Variants in CACNA1D observed in about 807,000 individuals in gnomAD.
CACNA1D encodes voltage-dependent L-type calcium channel subunit alpha-1D.
Under a neutral mutation model 257.1 loss-of-function variants are expected in CACNA1D, and 55 were observed. The observed-to-expected ratio is 0.21, with a 90% CI of 0.17 to 0.27. CACNA1D has a LOEUF of 0.27. Among genes scored for constraint, CACNA1D ranks in the 10% least tolerant of loss-of-function variants. The pLI is 1.00. For synonymous variants in CACNA1D, 980 were observed against 1,014.9 expected (o/e 0.97, Z 0.65); for missense variants, 1,876 against 2,784.0 (o/e 0.67, Z 7.34).
chr3:53,551,058 A>G (rs1034737818), intron 3 of CACNA1D, among the ~76,000 whole-genome samples: 5 of 152,256 alleles, frequency 3.3e-5, no homozygotes, highest in African/African-American at 4.8e-5. Flanking sequence ...GCCAAAAAAC[A>G]TCTTAAACTG....
chr3:53,767,565 CAAAA>C (rs397792487), intron 30 of CACNA1D, among the ~76,000 whole-genome samples: 1 of 130,452 alleles, frequency 7.7e-6, no homozygotes, highest in Admixed American at 7.6e-5. Flanking sequence ...GACTCTATCT[CAAAA>C]AAAAAAAAAA....
chr3:53,560,454 A>G (rs1414435875), intron 3 of CACNA1D, among the ~76,000 whole-genome samples: 1 of 152,166 alleles, frequency 6.6e-6, no homozygotes, highest in Non-Finnish European at 1.5e-5. Context: ...GTTTCTTGAG[A>G]TCCTAGGATG....
At chr3:53,753,083 A>C (rs1319676102) in intron 28 of CACNA1D, among the ~76,000 whole-genome samples, 1 of 152,210 alleles carries the variant, frequency 6.6e-6, no homozygotes, top group Non-Finnish European at 1.5e-5. Flanking sequence ...GATAGGGATA[A>C]ATTTTCTGGC....
At chr3:53,782,670 TG>T (rs2095432608) in intron 39 of CACNA1D, 1 of 152,142 alleles carries the variant, frequency 6.6e-6, no homozygotes, top group Admixed American at 6.5e-5. Context: ...AGAAGCAACG[TG>T]AGCTTTTGTT....
rs575522147 is a variant in CACNA1D at position 53,774,447 on chromosome 3, T to C, written c.4111-140T>C. On this transcript the variant is annotated intron_variant, in intron 33 of 47. Transcript: ENST00000350061. This position sits in a 1 kb window ranked among gnomAD's most constrained non-coding sequence, Gnocchi z 4.3. The stretch of plus-strand genomic sequence containing the variant: ...CACATGGTTGTGCCTGGCAGATCTT[T>C]TTTGAATGAGTGAAGTGCCAGGTAC... The C allele has an allele frequency of 3.6e-4, 246 of 677,114 alleles. 2 individuals carry two copies. The South Asian group carries it at 3.9e-3, about 11-fold the overall frequency. The allele number at this position is 677,114 out of a possible 1,614,324, so 41.9% of individuals were successfully genotyped here.
Position 53,803,439 on chromosome 3 carries a change from G to A in CACNA1D, c.5452G>A (p.Glu1818Lys). The stretch of plus-strand genomic sequence containing the variant: ...CAACTGCAGGTCCGACTCAGGAGAT[G>A]AACAGCTCCCAACTATTTGCCGGGA... Reference protein sequence around the residue: ...ETYIRSDSGDEQLPTICREDP... With the variant: ...ETYIRSDSGDKQLPTICREDP... The change falls in exon 44 of 48, where the codon GAA (glutamate) becomes AAA (lysine). Residue 1818 changes from glutamate (E) to lysine (K), a missense_variant. This residue lies in a region of CACNA1D where 491 missense variants were observed against 554.3 expected (regional missense o/e 0.89). Transcript: ENST00000350061. The A allele has an allele frequency of 1.2e-6, 2 of 1,614,246 alleles. No homozygotes were observed. The highest frequency in any genetic ancestry group is 1.7e-6 in the Non-Finnish European group (2 of 1,180,044).
At chr3:53,749,155 C>T (rs766453042) in intron 26 of CACNA1D, 113 bp from the exon 27 acceptor site, 5 of 769,880 alleles carry the variant, frequency 6.5e-6, no homozygotes, top group Non-Finnish European at 1.1e-5. Context: ...GGGTGGGTTC[C>T]CAGCGAGTGC....
intron 3 of CACNA1D, among the ~76,000 whole-genome samples, chr3:53,544,210 C>T (rs1320674906): frequency 6.6e-6 from 1 of 151,994 alleles, no homozygotes; most frequent in African/African-American, 2.4e-5. Flanking sequence ...CCAAAGTGTC[C>T]CCTCAGTCTT....
At chr3:53,567,708 A>T in intron 3 of CACNA1D, among the ~76,000 whole-genome samples, 1 of 152,238 alleles carries the variant, frequency 6.6e-6, no homozygotes, top group Non-Finnish European at 1.5e-5. Flanking sequence ...GGATTTCAGA[A>T]TATTTTCATT....
intron 39 of CACNA1D, chr3:53,782,417 G>A (rs1341075911): frequency 6.6e-6 from 1 of 151,918 alleles, no homozygotes; most frequent in Admixed American, 6.6e-5. Context: ...CACCACACCA[G>A]CATTCTAGCA....
chr3:53,801,509 C>T, intron 42 of CACNA1D, 84 bp downstream of exon 42: 1 of 1,557,882 alleles, frequency 6.4e-7, no homozygotes, highest in Non-Finnish European at 8.8e-7. Flanking sequence ...CGGGTCTGTG[C>T]TCTGTGCTCT....
At chr3:53,636,669 T>A (rs2093888057) in intron 3 of CACNA1D, among the ~76,000 whole-genome samples, 2 of 152,248 alleles carry the variant, frequency 1.3e-5, no homozygotes. Context: ...CCATACAATT[T>A]TATTTCATTT....
chr3:53,732,347 C>T (rs1183242875), intron 18 of CACNA1D, among the ~76,000 whole-genome samples: 3 of 152,194 alleles, frequency 2.0e-5, no homozygotes, highest in African/African-American at 4.8e-5. Context: ...GGAGGCCCCC[C>T]GGTGTTAGCG....
intron 40 of CACNA1D, among the ~76,000 whole-genome samples, chr3:53,788,234 C>A (rs2109121482): frequency 6.6e-6 from 1 of 152,268 alleles, no homozygotes; most frequent in Middle Eastern, 3.4e-3. Context: ...CATGGTGCAA[C>A]CTCTGCTCTA....
intron 9 of CACNA1D, among the ~76,000 whole-genome samples, chr3:53,712,770 C>A (rs1350864732): frequency 2.0e-5 from 3 of 152,100 alleles, no homozygotes; most frequent in African/African-American, 7.2e-5. Flanking sequence ...GAAGGAAATG[C>A]TAAAATAAAT....
chr3:53,641,777 G>A (rs1183983259), intron 3 of CACNA1D, among the ~76,000 whole-genome samples: 1 of 152,168 alleles, frequency 6.6e-6, no homozygotes, highest in Non-Finnish European at 1.5e-5. Flanking sequence ...GAGGGAATTT[G>A]GAAAGCTGAG....
chr3:53,509,279 C>CTGTG (rs57524253), intron 3 of CACNA1D, among the ~76,000 whole-genome samples: 22 of 149,954 alleles, frequency 1.5e-4, no homozygotes, highest in East Asian at 7.9e-4. Context: ...ACAGCCCCCT[C>CTGTG]TGTGTGTGTG....
At chr3:53,799,826 T>G in intron 40 of CACNA1D, 1 of 265,740 alleles carries the variant, frequency 3.8e-6, no homozygotes, top group South Asian at 4.5e-5. Flanking sequence ...AGCAAGGGAG[T>G]CCACATCAGC....
chr3:53,782,264 G>GTGTGTGTGTATATATA (rs6147823), intron 39 of CACNA1D: 13 of 75,448 alleles, frequency 1.7e-4, no homozygotes, highest in African/African-American at 4.4e-4. Context: ...GTGTGTGTGT[G>GTGTGTGTGTATATATA]TATATATATA....
Sources: gnomAD v4.1 joint callset for allele counts (sites outside exome capture counted in the v4.1 genomes callset) on GRCh38, gnomAD v4.1.1 for gene constraint, gnomAD v4.1.1 regional missense constraint, Gnocchi (gnomAD v3.1) non-coding constraint, MANE v1.5 for transcripts, NCBI Gene and HGNC (gene_info 2026-07-23, HGNC 2026-07-21) for gene names.